Variants in NECAB2 observed in about 807,000 individuals in gnomAD.
The protein encoded by NECAB2 is N-terminal EF-hand calcium binding protein 2.
A neutral mutation model predicts 51.9 loss-of-function variants in NECAB2; 68 were observed. The ratio of observed to expected loss-of-function variants is 1.31; its 90% CI spans 1.08 to 1.60. The LOEUF (loss-of-function observed/expected upper bound fraction) is 1.60. Ranked by LOEUF, NECAB2 falls within the 40% of genes most tolerant of loss-of-function variation. The pLI is 0.00. For synonymous variants in NECAB2, 329 were observed against 203.5 expected, an observed-to-expected ratio of 1.62 and a Z score of -5.25; for missense variants, 854 against 490.3, an observed-to-expected ratio of 1.74 and a Z score of -7.00.
intron 8 of NECAB2, 104 bp from the exon 9 acceptor site, chr16:83,997,112 G>A (rs1302209524): frequency 1.4e-6 from 2 of 1,390,098 alleles, no homozygotes; most frequent in African/African-American, 1.5e-5. Flanking sequence ...AACAGGGCCG[G>A]GTCCTTGGGA....
upstream of NECAB2, among the ~76,000 whole-genome samples, chr16:83,966,773 A>G (rs1010273500): frequency 2.9e-4 from 44 of 152,192 alleles, no homozygotes; most frequent in African/African-American, 1.0e-3. Context: ...TCAGCATAAG[A>G]ATCACTTCCT....
At chr16:83,982,570 C>T (rs1239625581) in intron 5 of NECAB2, among the ~76,000 whole-genome samples, 1 of 152,150 alleles carries the variant, frequency 6.6e-6, no homozygotes, top group Non-Finnish European at 1.5e-5. Flanking sequence ...AAATGGAAAC[C>T]ACCTCCTTGA....
chr16:83,989,418 C>G (rs769235185), intron 5 of NECAB2, among the ~76,000 whole-genome samples: 13 of 152,184 alleles, frequency 8.5e-5, no homozygotes, highest in Non-Finnish European at 1.3e-4. Flanking sequence ...GTCTGTCAGC[C>G]GTGTTTCCCA....
intron 8 of NECAB2, among the ~76,000 whole-genome samples, chr16:83,996,754 T>A (rs1378000953): frequency 6.6e-6 from 1 of 152,166 alleles, no homozygotes; most frequent in Non-Finnish European, 1.5e-5. Context: ...CAGATGTGGT[T>A]CCTGGAGACC....
intron 8 of NECAB2, among the ~76,000 whole-genome samples, chr16:83,996,640 G>A (rs1339674280): frequency 1.3e-5 from 2 of 152,140 alleles, no homozygotes; most frequent in Non-Finnish European, 2.9e-5. Flanking sequence ...ACACTTACAT[G>A]GCTTTCGTGC....
rs768369002 is a variant in NECAB2, at chr16:84,000,705, C to CCT, written c.963-19_963-18insCT. 6.2e-7 allele frequency: 1 copy of CCT among 1,612,472 alleles called. No homozygotes were observed. The highest frequency in any genetic ancestry group is 1.3e-5 in the African/African-American group (1 of 74,774). On this transcript the variant is annotated intron_variant, in intron 10 of 12. Coordinates refer to ENST00000305202, the MANE Select transcript of NECAB2 (RefSeq NM_019065.3). ...TGGTTGAGCTCCAGCCTCCTCCCCCCGACCATCTCCTGTTGCAGCATCACT... is the reference window on the plus strand; with the variant it reads ...TGGTTGAGCTCCAGCCTCCTCCCCCCCTGACCATCTCCTGTTGCAGCATCACT...
At chr16:83,967,392 TG>T (rs2084293173), upstream of NECAB2, among the ~76,000 whole-genome samples, 2 of 83,434 alleles carry the variant, frequency 2.4e-5, no homozygotes, top group African/African-American at 9.5e-5. Flanking sequence ...GATGGGTGGG[TG>T]GGTGGACAGA....
At position 83,990,516 on chromosome 16, in the gene NECAB2, T is replaced by C. The variant is rs2084609165; in HGVS notation, c.482T>C (p.Val161Ala). ...TKKVYEGGSN[V>A]DQFVTRFLLK... ...CAGGTATATGAGGGTGGGAGCAACGTGGACCAGTTTGTGACCCGCTTCCTC... is the reference window on the plus strand; with the variant it reads ...CAGGTATATGAGGGTGGGAGCAACGCGGACCAGTTTGTGACCCGCTTCCTC... The change falls in exon 6 of 13, where the codon GTG becomes GCG. Residue 161 changes from valine (V) to alanine (A), a missense_variant. Coordinates refer to ENST00000305202, the MANE Select transcript of NECAB2 (RefSeq NM_019065.3). The C allele has an allele frequency of 1.9e-6, 3 of 1,614,104 alleles. No homozygotes were observed. The highest frequency in any genetic ancestry group is 2.5e-6 in the Non-Finnish European group (3 of 1,180,018).
At chr16:83,998,702 A>G (rs1216803493) in intron 10 of NECAB2, among the ~76,000 whole-genome samples, 2 of 152,218 alleles carry the variant, frequency 1.3e-5, no homozygotes, top group African/African-American at 4.8e-5. Context: ...CTGCACACTT[A>G]AGTCCAGGCC....
At chr16:83,992,991 A>G (rs1442932371) in intron 6 of NECAB2, among the ~76,000 whole-genome samples, 1 of 152,130 alleles carries the variant, frequency 6.6e-6, no homozygotes, top group Non-Finnish European at 1.5e-5. Flanking sequence ...CAGCTCCATC[A>G]CGCGTCAGCA....
chr16:83,979,839 G>T (rs1360904683), intron 3 of NECAB2, among the ~76,000 whole-genome samples: 1 of 152,170 alleles, frequency 6.6e-6, no homozygotes, highest in Non-Finnish European at 1.5e-5. Flanking sequence ...ATTACCTAAG[G>T]TGTGAGCCAC....
At chr16:83,974,023 A>G (rs1344369537) in intron 2 of NECAB2, among the ~76,000 whole-genome samples, 1 of 146,764 alleles carries the variant, frequency 6.8e-6, no homozygotes, top group Non-Finnish European at 1.5e-5. Flanking sequence ...TCCCCCCATC[A>G]GAGGCCATGT....
chr16:83,997,333 C>G, intron 9 of NECAB2, 64 bp downstream of exon 9: 8 of 1,603,350 alleles, frequency 5.0e-6, no homozygotes, highest in Middle Eastern at 1.7e-4. Context: ...CTGCCAAGAT[C>G]CAAGTGGCTC....
At chr16:83,999,196 C>A (rs913751871) in intron 10 of NECAB2, among the ~76,000 whole-genome samples, 6 of 152,176 alleles carry the variant, frequency 3.9e-5, no homozygotes, top group African/African-American at 1.4e-4. Flanking sequence ...GAGGAGTAGC[C>A]TGGGCAGGAG....
chr16:83,987,416 G>C (rs1030599611), intron 5 of NECAB2, among the ~76,000 whole-genome samples: 1 of 152,060 alleles, frequency 6.6e-6, no homozygotes, highest in African/African-American at 2.4e-5. Flanking sequence ...ATAGACTTTT[G>C]TTACAGTACT....
In NECAB2 at chr16:83,984,700, A is replaced by C. The variant is rs529220674; in HGVS notation, c.459+3573A>C. ...GAGGCACAGCATGCCGCTGCAACCC[A>C]ACCTGGGTGACAAGAGAAACCCTGT... On this transcript the variant is annotated intron_variant, in intron 5 of 12. Transcript: ENST00000305202. Among the ~76,000 whole-genome samples the C allele has an allele frequency of 2.6e-5, 4 of 152,284 alleles. No individual in the cohort carries two copies. The East Asian group carries it at 5.8e-4, about 22-fold the overall frequency.
upstream of NECAB2, chr16:83,965,280 C>T (rs374681524): frequency 1.1e-4 from 181 of 1,604,828 alleles, no homozygotes; most frequent in Non-Finnish European, 1.4e-4. Flanking sequence ...CAGCCCTTCT[C>T]GCTGTGGGCC....
chr16:84,002,451 TC>T lies in NECAB2; in HGVS notation c.*107del. 1 of 1,415,706 alleles carries T rather than the reference TC, an allele frequency of 7.1e-7. No homozygotes were observed. Among genetic ancestry groups the T allele is most frequent in the Non-Finnish European group, 9.9e-7 (1 of 1,007,904 alleles). The allele number at this position is 1,415,706 out of a possible 1,614,324, so 87.7% of individuals were successfully genotyped here. On this transcript the variant is annotated 3_prime_UTR_variant, in exon 13 of 13. Transcript: ENST00000305202. ...CTTTGGTGCAGAAGCTTCTTTTCAA[TC>T]CATCCTCCACAAGAAGGTGTTTCCC...
intron 6 of NECAB2, 123 bp from the exon 7 acceptor site, chr16:83,994,179 T>G: frequency 8.1e-6 from 7 of 868,554 alleles, no homozygotes; most frequent in Non-Finnish European, 1.3e-5. Context: ...AAGGCCATGA[T>G]GCAAGTTCTG....
Sources: gnomAD v4.1 joint callset for allele counts (sites outside exome capture counted in the v4.1 genomes callset) on GRCh38, gnomAD v4.1.1 for gene constraint, MANE v1.5 for transcripts, NCBI Gene and HGNC (gene_info 2026-07-23, HGNC 2026-07-21) for gene names.